The following OLAH variants were observed in gnomAD, a reference collection of about 807,000 sequenced individuals.
OLAH encodes S-acyl fatty acid synthase thioesterase, medium chain.
In OLAH, 33 loss-of-function variants were observed where a neutral mutation model predicts 27.8. The observed-to-expected ratio is 1.19, with a 90% confidence interval of 0.90 to 1.59. The LOEUF (loss-of-function observed/expected upper bound fraction) is 1.59. Among genes scored for constraint, OLAH ranks in the 40% most tolerant of loss-of-function variants. The pLI, the probability that OLAH is intolerant of heterozygous loss-of-function variation, is 0.00. For synonymous variants in OLAH, 120 were observed against 102.9 expected, an observed-to-expected ratio of 1.17 and a Z score of -1.01; for missense variants, 359 against 310.8, an observed-to-expected ratio of 1.16 and a Z score of -1.17.
intron 3 of OLAH, among the ~76,000 whole-genome samples, chr10:15,057,488 C>A (rs1398941028): frequency 6.7e-6 from 1 of 148,600 alleles, no homozygotes; most frequent in African/African-American, 2.5e-5. Flanking sequence ...TGGGTTCAAG[C>A]GATTCTCTTG....
At position 15,052,932 on chromosome 10, in the gene OLAH, G is replaced by T. The variant is rs563075865; in HGVS notation, c.163+3167G>T. On this transcript the variant is annotated intron_variant, in intron 3 of 7. Coordinates refer to ENST00000378228, the MANE Select transcript of OLAH (RefSeq NM_001039702.3). The stretch of plus-strand genomic sequence containing the variant: ...TAATTTTGTATTTTAGTAGAGACGG[G>T]GGTTCACCATGTTGGCCAGGCTGGT... 3.0e-3 allele frequency among the ~76,000 whole-genome samples: 448 copies of T among 150,696 alleles called. 2 individuals are homozygous for T. The highest frequency in any genetic ancestry group is 0.011 in the African/African-American group (433 of 41,010).
intron 3 of OLAH, among the ~76,000 whole-genome samples, chr10:15,056,419 A>G (rs950302086): frequency 1.3e-5 from 2 of 152,160 alleles, no homozygotes; most frequent in Non-Finnish European, 2.9e-5. Flanking sequence ...TATACTACCA[A>G]GCAGTATAGG....
chr10:15,033,834 G>C (rs925461982), intron 1 of OLAH, among the ~76,000 whole-genome samples: 1 of 152,174 alleles, frequency 6.6e-6, no homozygotes, highest in Non-Finnish European at 1.5e-5. Context: ...CATGAAGGCA[G>C]AGCCCTCACC....
intron 3 of OLAH, among the ~76,000 whole-genome samples, chr10:15,055,801 C>G (rs1013849295): frequency 6.6e-6 from 1 of 151,970 alleles, no homozygotes; most frequent in Admixed American, 6.6e-5. Flanking sequence ...TCCTCAAACA[C>G]TGACTTAAGC....
chr10:15,033,650 A>G (rs1233550583), intron 1 of OLAH, among the ~76,000 whole-genome samples: 1 of 152,216 alleles, frequency 6.6e-6, no homozygotes, highest in Non-Finnish European at 1.5e-5. Context: ...GAAGTCCAGT[A>G]TGAAGGCACC....
chr10:15,066,743 C>A (rs570070233), intron 6 of OLAH, among the ~76,000 whole-genome samples: 1 of 151,904 alleles, frequency 6.6e-6, no homozygotes, highest in Admixed American at 6.6e-5. Flanking sequence ...CAGGTTCAAG[C>A]GATTCTCCTG....
At chr10:15,050,925 T>C in intron 3 of OLAH, among the ~76,000 whole-genome samples, 1 of 152,030 alleles carries the variant, frequency 6.6e-6, no homozygotes, top group East Asian at 1.9e-4. Context: ...AAGTATTAAC[T>C]ATTCTGTATG....
intron 6 of OLAH, among the ~76,000 whole-genome samples, chr10:15,070,536 G>C (rs1293298495): frequency 2.0e-5 from 3 of 152,158 alleles, no homozygotes; most frequent in African/African-American, 7.2e-5. Context: ...CCAGGCTGGA[G>C]TGCAGTGGTG....
intron 3 of OLAH, among the ~76,000 whole-genome samples, chr10:15,050,013 T>C (rs1174500860): frequency 1.3e-5 from 2 of 152,238 alleles, no homozygotes; most frequent in African/African-American, 2.4e-5. Flanking sequence ...TTGGTATAAT[T>C]ATTGATATGG....
At position 15,067,829 on chromosome 10, in the gene OLAH, A is replaced by G. The variant is rs550388541; in HGVS notation, c.572+2076A>G. Among the ~76,000 whole-genome samples the G allele has an allele frequency of 8.5e-5, 13 of 152,216 alleles. No individual in the cohort carries two copies. In the South Asian group the frequency reaches 2.5e-3, roughly 29 times the overall value. ...TTCTCTTTCCCCATCACTACCACTA[A>G]AGCTCAGAGCTACTGGCCAAAATGG... is the stretch of plus-strand genomic sequence containing the variant. On this transcript the variant is annotated intron_variant, in intron 6 of 7. Coordinates refer to ENST00000378228, the MANE Select transcript of OLAH (RefSeq NM_001039702.3).
intron 3 of OLAH, among the ~76,000 whole-genome samples, chr10:15,050,697 C>T (rs539981515): frequency 2.0e-4 from 31 of 151,988 alleles, no homozygotes; most frequent in South Asian, 8.3e-4. Flanking sequence ...CCTGCCACAG[C>T]GCCCAGCTAA....
Position 15,061,824 on chromosome 10 carries a change from A to G in OLAH, c.264A>G (p.Pro88=), listed in dbSNP as rs763094716. The part of the protein sequence containing the change: ...LVDEVVCALQ[P]VIQDKPFAFF... ...ATGAAGTTGTTTGTGCTCTGCAGCC[A>G]GTCATCCAGGATAAACCATTTGCAT... The change falls in exon 4 of 8, where the codon CCA becomes CCG. Residue 88 remains proline (P), a synonymous_variant. Coordinates refer to ENST00000378228, the MANE Select transcript of OLAH (RefSeq NM_001039702.3). 3.7e-6 allele frequency: 6 copies of G among 1,614,102 alleles called. No individual in the cohort carries two copies. In the East Asian group the frequency reaches 1.1e-4, roughly 30 times the overall value.
rs115658087 is a variant in OLAH, at chr10:15,047,812, C to T, written c.32+492C>T. Among the ~76,000 whole-genome samples the T allele has an allele frequency of 2.5e-3, 386 of 152,210 alleles. 3 individuals carry two copies. The highest frequency in any genetic ancestry group is 8.9e-3 in the African/African-American group (368 of 41,534). On this transcript the variant is annotated intron_variant, in intron 2 of 7. Transcript: ENST00000378228. ...TTTTCTCCAGAAATTATCCACCCCC[C>T]CAAAAAAAGTTTTCGTTTGTGCCTA...
intron 3 of OLAH, among the ~76,000 whole-genome samples, chr10:15,054,985 G>C (rs1844219112): frequency 6.6e-6 from 1 of 151,780 alleles, no homozygotes; most frequent in African/African-American, 2.4e-5. Flanking sequence ...TTATTATTGA[G>C]ACAGAGTCTC....
intron 3 of OLAH, 42 bp from the exon 4 acceptor site, chr10:15,061,682 T>C: frequency 6.7e-7 from 1 of 1,492,634 alleles, no homozygotes; most frequent in Non-Finnish European, 8.9e-7. Flanking sequence ...CAATATCTCA[T>C]TCACTGTCTG....
At chr10:15,054,034 T>C (rs1353637667) in intron 3 of OLAH, among the ~76,000 whole-genome samples, 2 of 144,892 alleles carry the variant, frequency 1.4e-5, no homozygotes, top group South Asian at 4.5e-4. Context: ...TCAATCCTCT[T>C]AAGCATTTTT....
At chr10:15,038,435 T>A (rs1246408685) in intron 1 of OLAH, among the ~76,000 whole-genome samples, 3 of 152,184 alleles carry the variant, frequency 2.0e-5, no homozygotes, top group African/African-American at 4.8e-5. Context: ...AAATTTCATC[T>A]CGAATTGTAA....
chr10:15,039,907 T>C (rs114842059), upstream of OLAH, among the ~76,000 whole-genome samples: 1,297 of 152,300 alleles, frequency 8.5e-3, 11 homozygotes, highest in African/African-American at 0.026. Context: ...CCAAGGTAGG[T>C]ACCCTTTCTG....
intron 3 of OLAH, among the ~76,000 whole-genome samples, chr10:15,050,635 G>T (rs1038666804): frequency 2.6e-5 from 4 of 151,012 alleles, no homozygotes; most frequent in Non-Finnish European, 5.9e-5. Flanking sequence ...TCCGCTTCCG[G>T]GTTCACACCA....
Sources: gnomAD v4.1 joint callset for allele counts (sites outside exome capture counted in the v4.1 genomes callset) on GRCh38, gnomAD v4.1.1 for gene constraint, MANE v1.5 for transcripts, NCBI Gene and HGNC (gene_info 2026-07-23, HGNC 2026-07-21) for gene names.